ARK2N: variants seen among roughly 807,000 people sequenced by gnomAD.
The protein encoded by ARK2N is protein ARK2N.
the ARK2N span, among the ~76,000 whole-genome samples, chr18:46,225,793 G>T: frequency 6.6e-6 from 1 of 152,050 alleles, no homozygotes; most frequent in African/African-American, 2.4e-5. Flanking sequence ...GTAGTAAACA[G>T]TTTCTTTTTT....
chr18:46,183,884 C>T, the ARK2N span, among the ~76,000 whole-genome samples: 1,512 of 152,078 alleles, frequency 9.9e-3, 35 homozygotes, highest in African/African-American at 0.035. Context: ...AGTGCAGTGG[C>T]GCGATCTCAG....
chr18:46,231,393 G>A, the ARK2N span, among the ~76,000 whole-genome samples: 1 of 152,088 alleles, frequency 6.6e-6, no homozygotes, highest in Non-Finnish European at 1.5e-5. Flanking sequence ...GCTGGAGGCA[G>A]ATAACTGTAC....
At chr18:46,199,523 C>T in the ARK2N span, among the ~76,000 whole-genome samples, 224 of 141,102 alleles carry the variant, frequency 1.6e-3, no homozygotes, top group Non-Finnish European at 2.8e-3. Context: ...GGTGGGGTTT[C>T]ACCATGTTGG....
chr18:46,178,995 T>A, the ARK2N span, among the ~76,000 whole-genome samples: 1,484 of 152,242 alleles, frequency 9.7e-3, 26 homozygotes, highest in African/African-American at 0.034. Context: ...CAGGCTGAAC[T>A]GCAGTGTCAG....
the ARK2N span, among the ~76,000 whole-genome samples, chr18:46,194,317 T>C: frequency 6.6e-6 from 1 of 151,566 alleles, no homozygotes; most frequent in Non-Finnish European, 1.5e-5. Context: ...GATTCTTTAA[T>C]AGGCCAGGTG....
At chr18:46,225,006 T>C in the ARK2N span, among the ~76,000 whole-genome samples, 1 of 152,186 alleles carries the variant, frequency 6.6e-6, no homozygotes, top group African/African-American at 2.4e-5. Flanking sequence ...TACTGTGTGA[T>C]AGGAACTGCA....
the ARK2N span, among the ~76,000 whole-genome samples, chr18:46,261,467 G>A: frequency 7.5e-3 from 1,146 of 152,292 alleles, 8 homozygotes; most frequent in Non-Finnish European, 0.011. Context: ...GTAGTGTTCC[G>A]TTGGCCTTCA....
At chr18:46,183,115 GA>G in the ARK2N span, among the ~76,000 whole-genome samples, 1 of 151,986 alleles carries the variant, frequency 6.6e-6, no homozygotes, top group East Asian at 1.9e-4. Context: ...AATGTAATAT[GA>G]TAGTCAGTGT....
chr18:46,211,243 C>T, the ARK2N span, among the ~76,000 whole-genome samples: 1 of 152,096 alleles, frequency 6.6e-6, no homozygotes, highest in Admixed American at 6.6e-5. Context: ...GGGTCTTGCT[C>T]TGTTATGCAG....
chr18:46,258,757 A>C, the ARK2N span, among the ~76,000 whole-genome samples: 1 of 152,208 alleles, frequency 6.6e-6, no homozygotes, highest in African/African-American at 2.4e-5. Flanking sequence ...TTCCTACCTC[A>C]TGTCTTTCAT....
the ARK2N span, among the ~76,000 whole-genome samples, chr18:46,202,233 G>A: frequency 2.4e-4 from 37 of 152,130 alleles, no homozygotes; most frequent in African/African-American, 8.4e-4. Flanking sequence ...TACACTTTGA[G>A]TTTCTCTTAC....
the ARK2N span, among the ~76,000 whole-genome samples, chr18:46,178,811 G>T: frequency 6.6e-6 from 1 of 151,918 alleles, no homozygotes. Flanking sequence ...CTACTCAGGA[G>T]GCTGAAATGG....
chr18:46,246,005 G>GA, the ARK2N span, among the ~76,000 whole-genome samples: 3 of 152,282 alleles, frequency 2.0e-5, no homozygotes, highest in East Asian at 5.8e-4. Flanking sequence ...GACCTACACA[G>GA]AGACAGCCAG....
At chr18:46,249,582 CCTA>C in the ARK2N span, among the ~76,000 whole-genome samples, 1 of 152,196 alleles carries the variant, frequency 6.6e-6, no homozygotes, top group Non-Finnish European at 1.5e-5. Context: ...CCTGCCCACA[CCTA>C]CTCTCTGCAG....
chr18:46,214,031 C>T, the ARK2N span, among the ~76,000 whole-genome samples: 4 of 152,092 alleles, frequency 2.6e-5, no homozygotes, highest in Non-Finnish European at 4.4e-5. Context: ...GTTTCAGTGG[C>T]CATGAATGTT....
chr18:46,192,473 A>G, the ARK2N span, among the ~76,000 whole-genome samples: 1 of 152,030 alleles, frequency 6.6e-6, no homozygotes, highest in Non-Finnish European at 1.5e-5. Flanking sequence ...GCTACTCAGG[A>G]GGCTGAGGCA....
chr18:46,265,094 T>G, the ARK2N span: 8 of 152,752 alleles, frequency 5.2e-5, 1 homozygote, highest in East Asian at 1.5e-3. Context: ...CATTTTACTT[T>G]AGGATTAATT....
At chr18:46,239,004 A>G in the ARK2N span, among the ~76,000 whole-genome samples, 1 of 152,112 alleles carries the variant, frequency 6.6e-6, no homozygotes. Flanking sequence ...GCATTCGTTT[A>G]TTTCTGCTTT....
chr18:46,248,374 A>G, the ARK2N span, among the ~76,000 whole-genome samples: 1 of 152,176 alleles, frequency 6.6e-6, no homozygotes, highest in Non-Finnish European at 1.5e-5. Flanking sequence ...TAGGAGGGTG[A>G]GCAGTGGGTG....
Sources: gnomAD v4.1 joint callset for allele counts (sites outside exome capture counted in the v4.1 genomes callset) on GRCh38, gnomAD v4.1.1 for gene constraint, MANE v1.5 for transcripts, NCBI Gene and HGNC (gene_info 2026-07-23, HGNC 2026-07-21) for gene names.